Variants in EDARADD observed in about 807,000 individuals in gnomAD.
EDARADD encodes the protein EDAR associated via death domain.
EDARADD carries 20 observed loss-of-function variants against 25.6 expected under a neutral mutation model. The ratio of observed to expected loss-of-function variants is 0.78; its 90% CI spans 0.55 to 1.14. The LOEUF (loss-of-function observed/expected upper bound fraction) is 1.14. Among genes scored for constraint, EDARADD ranks in the 50% most tolerant of loss-of-function variants. The probability of loss-of-function intolerance (pLI) is 0.00; values close to 1 mark genes in which losing one functional copy is unlikely to be tolerated. For missense variants in EDARADD, 225 were observed against 270.1 expected, an observed-to-expected ratio of 0.83 and a Z score of 1.17; for synonymous variants, 86 against 94.4, an observed-to-expected ratio of 0.91 and a Z score of 0.52.
intron 3 of EDARADD, among the ~76,000 whole-genome samples, chr1:236,360,337 G>A (rs930694972): frequency 6.6e-6 from 1 of 151,504 alleles, no homozygotes; most frequent in African/African-American, 2.4e-5. Flanking sequence ...AAAAGAAGAA[G>A]AAGAAGTGGG....
intron 4 of EDARADD, among the ~76,000 whole-genome samples, chr1:236,457,469 C>T (rs57843857): frequency 0.012 from 1,813 of 151,978 alleles, 44 homozygotes; most frequent in African/African-American, 0.04. Context: ...GAGCCAAGAT[C>T]GTGCCACTGA....
At chr1:236,397,268 A>G (rs1299916645) in intron 1 of EDARADD, among the ~76,000 whole-genome samples, 3 of 151,994 alleles carry the variant, frequency 2.0e-5, no homozygotes, top group Admixed American at 6.6e-5. Flanking sequence ...AAATTAGCCA[A>G]ATGTGCCAGT....
intron 4 of EDARADD, among the ~76,000 whole-genome samples, chr1:236,465,284 C>T (rs575755737): frequency 2.8e-4 from 42 of 152,346 alleles, no homozygotes; most frequent in African/African-American, 7.7e-4. Context: ...CTGCTTCAGG[C>T]GAGAGCCCCT....
intron 3 of EDARADD, among the ~76,000 whole-genome samples, chr1:236,389,189 C>A (rs1667392465): frequency 6.6e-6 from 1 of 152,150 alleles, no homozygotes; most frequent in Non-Finnish European, 1.5e-5. Flanking sequence ...GATCAAGGCA[C>A]CAGGAACACC....
intron 4 of EDARADD, among the ~76,000 whole-genome samples, chr1:236,447,224 C>CTTTCTTTTCTTTCTTTCTTTCTTTCTTT (rs58467420): frequency 2.6e-5 from 1 of 38,486 alleles, no homozygotes; most frequent in African/African-American, 6.7e-5. Context: ...TTCTTTCTTT[C>CTTTCTTTTCTTTCTTTCTTTCTTTCTTT]CTTTCTTTCC....
At chr1:236,467,418 A>G (rs1041660709) in intron 4 of EDARADD, among the ~76,000 whole-genome samples, 11 of 91,744 alleles carry the variant, frequency 1.2e-4, no homozygotes, top group African/African-American at 5.9e-4. Flanking sequence ...TGGGAAGCAC[A>G]CACACGCGCA....
chr1:236,422,894 A>G (rs1390549538), intron 3 of EDARADD, among the ~76,000 whole-genome samples: 1 of 152,184 alleles, frequency 6.6e-6, no homozygotes, highest in Admixed American at 6.5e-5. Flanking sequence ...GGCATAATGG[A>G]CAGCGCAGTA....
At chr1:236,435,509 T>C (rs1165734397) in intron 4 of EDARADD, among the ~76,000 whole-genome samples, 1 of 152,144 alleles carries the variant, frequency 6.6e-6, no homozygotes, top group Non-Finnish European at 1.5e-5. Context: ...GCTTCACATG[T>C]CGAGGAAGGA....
intron 2 of EDARADD, among the ~76,000 whole-genome samples, chr1:236,350,421 C>T (rs1168095318): frequency 6.6e-6 from 1 of 152,068 alleles, no homozygotes; most frequent in Non-Finnish European, 1.5e-5. Context: ...GCCACCACAC[C>T]CAGCTAATTT....
intron 1 of EDARADD, among the ~76,000 whole-genome samples, chr1:236,404,457 T>C (rs1667672143): frequency 6.6e-6 from 1 of 152,090 alleles, no homozygotes; most frequent in African/African-American, 2.4e-5. Context: ...ATACAGTGCA[T>C]GGGCGCCACC....
At chr1:236,394,607 T>A in intron 1 of EDARADD, 102 bp downstream of exon 1, 1 of 1,006,972 alleles carries the variant, frequency 9.9e-7, no homozygotes, top group Non-Finnish European at 1.4e-6. Flanking sequence ...CACTAAATAC[T>A]ATTATTATCT....
intron 1 of EDARADD, among the ~76,000 whole-genome samples, chr1:236,396,366 G>A (rs1228733004): frequency 1.3e-5 from 2 of 152,144 alleles, no homozygotes; most frequent in South Asian, 2.1e-4. Context: ...TAACCTAGAC[G>A]GTGACATCCG....
chr1:236,468,113 C>A (rs1659264290), intron 4 of EDARADD, 118 bp from the exon 5 acceptor site: 1 of 935,112 alleles, frequency 1.1e-6, no homozygotes, highest in African/African-American at 1.6e-5. Context: ...AAGATCCAGT[C>A]CCTCCACCCA....
Position 236,482,785 on chromosome 1 carries a change from C to A in EDARADD, c.*136C>A. ...GGACACTGGTTTTCCCCAAAGCTGG[C>A]AGTTTTGTGGAGGGGTAGCTTGTTT... is the stretch of plus-strand genomic sequence containing the variant. On this transcript the variant is annotated 3_prime_UTR_variant, in exon 6 of 6. Transcript: ENST00000334232. The A allele has an allele frequency of 7.5e-7, 1 of 1,329,948 alleles. No individual in the cohort carries two copies. The highest frequency in any genetic ancestry group is 1.0e-6 in the Non-Finnish European group (1 of 955,506). The allele number at this position is 1,329,948 out of a possible 1,614,324, so 82.4% of individuals were successfully genotyped here. A position where few individuals can be genotyped will look rare whatever the true frequency, so the allele number is the denominator to read the frequency against.
chr1:236,467,724 T>C (rs920524155), intron 4 of EDARADD, among the ~76,000 whole-genome samples: 1 of 151,068 alleles, frequency 6.6e-6, no homozygotes, highest in Non-Finnish European at 1.5e-5. Context: ...TAACCCATAA[T>C]GTAAAATAAA....
At chr1:236,467,633 A>G (rs1489624487) in intron 4 of EDARADD, among the ~76,000 whole-genome samples, 1 of 152,148 alleles carries the variant, frequency 6.6e-6, no homozygotes, top group Non-Finnish European at 1.5e-5. Context: ...AATAAATAGA[A>G]AAGGGAAAGA....
intron 5 of EDARADD, among the ~76,000 whole-genome samples, chr1:236,471,929 A>G (rs1204069551): frequency 6.6e-6 from 1 of 152,200 alleles, no homozygotes; most frequent in African/African-American, 2.4e-5. Flanking sequence ...GCTTGTTGCA[A>G]TTCACAATTA....
Position 236,386,124 on chromosome 1 carries a change from G to C in EDARADD, c.-5-23092G>C, listed in dbSNP as rs1178741380. ...GAGACGGGGTTTCGCTGTGTTGACC[G>C]GGCCGGTCTCCAGCCCCTAACCGCG... On this transcript the variant is annotated intron_variant, in intron 3 of 7. Coordinates refer to the EDARADD transcript ENST00000439430. 1.2e-4 allele frequency among the ~76,000 whole-genome samples: 4 copies of C among 33,916 alleles called. 2 individuals are homozygous for C. Among genetic ancestry groups the C allele is most frequent in the African/African-American group, 3.3e-4 (4 of 12,132 alleles). 22.3% of individuals were successfully genotyped at this position (33,916 alleles called of 152,430 possible). A position where few individuals can be genotyped will look rare whatever the true frequency, so the allele number is the denominator to read the frequency against.
chr1:236,483,262 C>T lies in EDARADD; in HGVS notation c.*613C>T. On this transcript the variant is annotated 3_prime_UTR_variant, in exon 6 of 6. Coordinates refer to ENST00000334232, the MANE Select transcript of EDARADD (RefSeq NM_145861.4). Reference sequence around the variant, plus strand: ...TTCACCTCAGAAGGTCTCTTCAGAGCTGCTGTGCCCAGTGGTGCTTCAACT... The same window carrying T: ...TTCACCTCAGAAGGTCTCTTCAGAGTTGCTGTGCCCAGTGGTGCTTCAACT... 5.0e-6 allele frequency: 8 copies of T among 1,599,392 alleles called. No individual in the cohort carries two copies. In the Admixed American group the frequency reaches 1.3e-4, roughly 27 times the overall value.
Sources: gnomAD v4.1 joint callset for allele counts (sites outside exome capture counted in the v4.1 genomes callset) on GRCh38, gnomAD v4.1.1 for gene constraint, MANE v1.5 for transcripts, NCBI Gene and HGNC (gene_info 2026-07-23, HGNC 2026-07-21) for gene names.